Variants in PCNT observed in about 807,000 individuals in gnomAD.
PCNT encodes kendrin.
In PCNT, 319 loss-of-function variants were observed where a neutral mutation model predicts 380.4. The observed-to-expected ratio is 0.84, with a 90% CI of 0.77 to 0.92. The LOEUF is 0.92. Among genes scored for constraint, PCNT ranks in the 40% least tolerant of loss-of-function variants. The pLI, the probability that PCNT is intolerant of heterozygous loss-of-function variation, is 0.00. For missense variants in PCNT, 4,400 were observed against 4,255.3 expected (o/e 1.03, Z -0.95); for synonymous variants, 1,845 against 1,735.2 (o/e 1.06, Z -1.57).
At position 46,416,664 on chromosome 21, in the gene PCNT, G is replaced by C. The variant is rs753815796; in HGVS notation, c.6746G>C (p.Gly2249Ala). The change falls in exon 30 of 47, where the codon GGA becomes GCA. Residue 2249 changes from glycine (G) to alanine (A), a missense_variant. Gly to Ala is a moderately conservative substitution (Grantham distance 60). Coordinates refer to ENST00000359568, the MANE Select transcript of PCNT (RefSeq NM_006031.6). ...AGCCTCCCCGTGACACCCCACTCAGGAGCCCTGAGCCTGTGCAGTGCCGAC... is the reference window on the plus strand; with the variant it reads ...AGCCTCCCCGTGACACCCCACTCAGCAGCCCTGAGCCTGTGCAGTGCCGAC... ...WPSLPVTPHS[G>A]ALSLCSADTS... 1 of 1,560,404 alleles carries C rather than the reference G, an allele frequency of 6.4e-7. No individual in the cohort carries two copies. Among genetic ancestry groups the C allele is most frequent in the Non-Finnish European group, 8.7e-7 (1 of 1,155,320 alleles).
intron 27 of PCNT, among the ~76,000 whole-genome samples, chr21:46,405,797 A>C (rs748823770): frequency 2.0e-5 from 3 of 152,244 alleles, no homozygotes; most frequent in African/African-American, 4.8e-5. Context: ...ATAATCTTAT[A>C]TAATGAAAAA....
At chr21:46,325,104 C>T (rs973208227) in intron 1 of PCNT, 13 of 985,422 alleles carry the variant, frequency 1.3e-5, no homozygotes, top group African/African-American at 1.7e-5. Flanking sequence ...GGCCACTGTC[C>T]TAGGTTTCGT....
chr21:46,439,052 G>T (rs892994733), intron 41 of PCNT, among the ~76,000 whole-genome samples: 1 of 151,680 alleles, frequency 6.6e-6, no homozygotes, highest in East Asian at 1.9e-4. Flanking sequence ...TTTGTATTTA[G>T]GCTATTTTGT....
At chr21:46,340,051 G>A (rs1218644761) in intron 3 of PCNT, among the ~76,000 whole-genome samples, 2 of 152,198 alleles carry the variant, frequency 1.3e-5, no homozygotes, top group Non-Finnish European at 2.9e-5. Flanking sequence ...AGGAAGAGAG[G>A]TTTAATGGAC....
intron 17 of PCNT, among the ~76,000 whole-genome samples, chr21:46,387,515 G>C (rs1248717701): frequency 6.6e-6 from 1 of 152,026 alleles, no homozygotes; most frequent in Non-Finnish European, 1.5e-5. Flanking sequence ...CACTGGAGAG[G>C]CTGCCTGTCT....
Position 46,401,735 on chromosome 21 carries a change from G to A in PCNT, c.4962+14G>A, listed in dbSNP as rs757309980. The A allele has an allele frequency of 9.3e-6, 15 of 1,613,698 alleles. No homozygotes were observed. The South Asian group carries it at 1.6e-4, about 18-fold the overall frequency. ...CGCGAGAGCGAGGTGAGTGCAGAGT[G>A]GGGCCATGGGACTGCCAGCCCTGGG... On this transcript the variant is annotated intron_variant, in intron 26 of 46. Transcript: ENST00000359568.
intron 30 of PCNT, among the ~76,000 whole-genome samples, chr21:46,417,587 T>C (rs1569280108): frequency 6.6e-6 from 1 of 152,196 alleles, no homozygotes; most frequent in Non-Finnish European, 1.5e-5. Flanking sequence ...ATTTTGGGAT[T>C]TTGTGTATCT....
At chr21:46,430,388 G>A in intron 36 of PCNT, 119 bp from the exon 37 acceptor site, 1 of 1,424,042 alleles carries the variant, frequency 7.0e-7, no homozygotes, top group Non-Finnish European at 9.6e-7. Context: ...ATCCTGTGGT[G>A]GGGGGTGAAG....
Position 46,357,183 on chromosome 21 carries a change from T to C in PCNT, c.2146T>C (p.Leu716=). The C allele has an allele frequency of 6.2e-7, 1 of 1,610,234 alleles. No individual in the cohort carries two copies. Among genetic ancestry groups the C allele is most frequent in the East Asian group, 2.2e-5 (1 of 44,850 alleles). The change falls in exon 13 of 47, where the codon TTG becomes CTG. Residue 716 remains leucine, a synonymous_variant. Transcript: ENST00000359568. The part of the protein sequence containing the change: ...LQHETRLKDD[L]EKVKHNLIED... Reference sequence around the variant, plus strand: ...GCATGAAACTCGTCTGAAGGACGATTTGGAGAAGGTGAGTCGTGACTCCAC... The same window carrying C: ...GCATGAAACTCGTCTGAAGGACGATCTGGAGAAGGTGAGTCGTGACTCCAC...
intron 6 of PCNT, 148 bp from the exon 7 acceptor site, chr21:46,348,864 G>C (rs1230419880): frequency 9.7e-6 from 6 of 621,484 alleles, no homozygotes; most frequent in Admixed American, 2.7e-5. Context: ...GGGCTCAGGC[G>C]ATCTGCCTGC....
intron 3 of PCNT, among the ~76,000 whole-genome samples, chr21:46,342,545 TTC>T (rs1188318981): frequency 6.6e-6 from 1 of 151,490 alleles, no homozygotes; most frequent in East Asian, 1.9e-4. Context: ...TTTTTTTTTT[TTC>T]TTTTTTTTTT....
chr21:46,427,850 CAG>C (rs2087574751), intron 34 of PCNT, 55 bp downstream of exon 34: 2 of 1,554,518 alleles, frequency 1.3e-6, no homozygotes, highest in Admixed American at 3.3e-5. Context: ...CCAGCCCTGG[CAG>C]AGAGGGTGAC....
intron 15 of PCNT, among the ~76,000 whole-genome samples, chr21:46,372,237 A>G (rs1335407567): frequency 6.6e-6 from 1 of 151,020 alleles, no homozygotes; most frequent in Non-Finnish European, 1.5e-5. Context: ...CACACACAGC[A>G]CATGCACATA....
At chr21:46,324,930 C>T (rs1159017546) in intron 1 of PCNT, 3 of 985,498 alleles carry the variant, frequency 3.0e-6, no homozygotes, top group Non-Finnish European at 3.6e-6. Context: ...GCGGCGCTCC[C>T]GGCCGCCGTC....
chr21:46,363,714 A>AG lies in PCNT; in HGVS notation c.2391dup (p.Gln798AlafsTer79). 6.2e-7 allele frequency: 1 copy of AG among 1,614,242 alleles called. No individual in the cohort carries two copies. The highest frequency in any genetic ancestry group is 1.1e-5 in the South Asian group (1 of 91,090). On this transcript the variant is annotated frameshift_variant, in exon 14 of 47. Coordinates refer to ENST00000359568, the MANE Select transcript of PCNT (RefSeq NM_006031.6). LOFTEE classifies it high-confidence loss of function. ...GTTTGAGCTTCGAGAAGCTGAAATG[A>AG]GGCAGCTTCAGGACCAACAGGCAGC...
intron 8 of PCNT, 77 bp downstream of exon 8, chr21:46,349,897 T>C (rs2084204600): frequency 7.4e-7 from 1 of 1,347,914 alleles, no homozygotes; most frequent in African/African-American, 1.4e-5. Flanking sequence ...GGCTATTTCG[T>C]ATTGTGTTAT....
In PCNT at chr21:46,351,691, T is replaced by C. The variant is rs896021308; in HGVS notation, c.1456+151T>C. 6 of 698,314 alleles carry C rather than the reference T, an allele frequency of 8.6e-6. No individual in the cohort carries two copies. In the African/African-American group the frequency reaches 1.1e-4, roughly 12 times the overall value. The allele number at this position is 698,314 out of a possible 1,614,324, so 43.3% of individuals were successfully genotyped here. On this transcript the variant is annotated intron_variant, in intron 9 of 46. Coordinates refer to ENST00000359568, the MANE Select transcript of PCNT (RefSeq NM_006031.6). ...ATCCTGAAGGTTGAGGTGTCTGGTT[T>C]GAAAGTGGAGGTTTGCTTTGTGGGA...
At chr21:46,441,259 G>A (rs535487911) in intron 43 of PCNT, among the ~76,000 whole-genome samples, 175 bp downstream of exon 43, 60 of 152,354 alleles carry the variant, frequency 3.9e-4, no homozygotes, top group African/African-American at 1.4e-3. Context: ...TCTTCAAGAA[G>A]TCATGTGTAT....
chr21:46,353,511 G>A (rs2084351204), intron 10 of PCNT, among the ~76,000 whole-genome samples, 185 bp downstream of exon 10: 1 of 152,168 alleles, frequency 6.6e-6, no homozygotes. Flanking sequence ...CTGCATGTGT[G>A]TGTGCGAGCC....
Sources: allele counts gnomAD v4.1 joint callset (sites outside exome capture counted in the v4.1 genomes callset), GRCh38; gene constraint gnomAD v4.1.1; transcripts MANE v1.5; gene names NCBI Gene and HGNC (gene_info 2026-07-23, HGNC 2026-07-21).